USP42: variants seen among roughly 807,000 people sequenced by gnomAD.
USP42 encodes ubiquitin carboxyl-terminal hydrolase 42.
In USP42, 23 loss-of-function variants were observed where a neutral mutation model predicts 113.0. That is an observed-to-expected ratio of 0.20 (90% CI 0.15 to 0.29). The LOEUF (loss-of-function observed/expected upper bound fraction) is 0.29, where lower values mean the gene tolerates loss of function less well. Among genes scored for constraint, USP42 ranks in the 10% least tolerant of loss-of-function variants. USP42 has a pLI of 1.00. For synonymous variants in USP42, 933 were observed against 699.0 expected (o/e 1.33, Z -5.28); for missense variants, 2,174 against 1,779.8 (o/e 1.22, Z -3.99).
chr7:6,154,947 C>G lies in USP42; in HGVS notation c.3393C>G (p.Arg1131=). ...APHALAPHPD[R]FSHDRTALVA... The stretch of plus-strand genomic sequence containing the variant: ...ACGCCCTCGCCCCGCACCCCGACCG[C>G]TTCTCCCACGACAGAACTGCACTTG... Residue 1131 remains arginine (R), a synonymous_variant, in exon 15 of 18, where the codon CGC becomes CGG. Coordinates refer to ENST00000306177, the MANE Select transcript of USP42 (RefSeq NM_032172.3). 4 of 1,554,766 alleles carry G rather than the reference C, an allele frequency of 2.6e-6. No homozygotes were observed. Among genetic ancestry groups the G allele is most frequent in the African/African-American group, 1.4e-5 (1 of 73,356 alleles).
At chr7:6,114,383 ACT>A (rs1291982216) in intron 2 of USP42, among the ~76,000 whole-genome samples, 12 of 151,944 alleles carry the variant, frequency 7.9e-5, no homozygotes, top group South Asian at 2.1e-4. Flanking sequence ...ATTATAATGA[ACT>A]CTCATGTAGC....
chr7:6,146,352 AC>A, intron 11 of USP42, 104 bp downstream of exon 11: 7 of 777,260 alleles, frequency 9.0e-6, no homozygotes, highest in Admixed American at 3.2e-5. Context: ...AAAAAAAAAA[AC>A]CCAGCAGCTT....
At chr7:6,097,317 G>C in the USP42 span, among the ~76,000 whole-genome samples, 1 of 150,088 alleles carries the variant, frequency 6.7e-6, no homozygotes, top group Admixed American at 6.6e-5. Context: ...TCTTCCCTGA[G>C]AGTAGCACTC....
the USP42 span, among the ~76,000 whole-genome samples, chr7:6,084,181 C>G: frequency 6.6e-6 from 1 of 150,998 alleles, no homozygotes; most frequent in African/African-American, 2.5e-5. Context: ...CATGAGCCAC[C>G]ACGCCCAGCT....
intron 12 of USP42, among the ~76,000 whole-genome samples, chr7:6,148,622 G>T (rs1025044207): frequency 1.3e-5 from 2 of 152,198 alleles, no homozygotes; most frequent in South Asian, 2.1e-4. Context: ...TGTTGGTCCT[G>T]TCGGGGCGAA....
chr7:6,129,712 T>G (rs1369283481), intron 3 of USP42, among the ~76,000 whole-genome samples: 2 of 151,802 alleles, frequency 1.3e-5, no homozygotes, highest in East Asian at 3.9e-4. Context: ...AATACAAAAA[T>G]TAGCCAGGTG....
At chr7:6,147,653 G>A in intron 11 of USP42, 86 bp from the exon 12 acceptor site, 1 of 1,444,200 alleles carries the variant, frequency 6.9e-7, no homozygotes, top group Non-Finnish European at 9.2e-7. Flanking sequence ...TTCCGCCTGA[G>A]GGGTTAAATG....
the USP42 span, among the ~76,000 whole-genome samples, chr7:6,087,584 G>A: frequency 2.0e-5 from 3 of 150,480 alleles, no homozygotes; most frequent in East Asian, 1.9e-4. Flanking sequence ...CAATCCACCC[G>A]CTTCGGCCTC....
intron 2 of USP42, among the ~76,000 whole-genome samples, chr7:6,112,548 A>C (rs1301505395): frequency 6.6e-6 from 1 of 152,240 alleles, no homozygotes; most frequent in Non-Finnish European, 1.5e-5. Context: ...TCATCCAGAT[A>C]AATGAGACAG....
chr7:6,103,556 A>T (rs1157999300), upstream of USP42, among the ~76,000 whole-genome samples: 3 of 149,604 alleles, frequency 2.0e-5, no homozygotes, highest in African/African-American at 7.6e-5. Context: ...TCTGTAACTC[A>T]GTGTGTGAGT....
the USP42 span, among the ~76,000 whole-genome samples, chr7:6,082,393 G>A: frequency 1.3e-5 from 2 of 151,568 alleles, no homozygotes; most frequent in African/African-American, 2.4e-5. Context: ...CTCCCGAAGT[G>A]CTGGGATTAC....
chr7:6,082,734 C>T, the USP42 span, among the ~76,000 whole-genome samples: 11 of 146,478 alleles, frequency 7.5e-5, 1 homozygote, highest in African/African-American at 2.6e-4. Flanking sequence ...TCTGAGCCTC[C>T]GTAGTAGCTG....
chr7:6,133,031 C>G (rs929953748), intron 3 of USP42, among the ~76,000 whole-genome samples: 3 of 152,116 alleles, frequency 2.0e-5, no homozygotes, highest in African/African-American at 7.2e-5. Context: ...AGTAGGGGTC[C>G]TTTGTGTAGT....
At chr7:6,152,868 C>T in intron 14 of USP42, 1 of 944,478 alleles carries the variant, frequency 1.1e-6, no homozygotes, top group Non-Finnish European at 1.3e-6. Flanking sequence ...GAGGTGGCCC[C>T]TCTACCTTTG....
At chr7:6,101,710 G>A (rs1026954288), upstream of USP42, among the ~76,000 whole-genome samples, 6 of 151,096 alleles carry the variant, frequency 4.0e-5, no homozygotes, top group Non-Finnish European at 8.8e-5. Flanking sequence ...AGGTAGAGGG[G>A]GAGGTGTAAC....
chr7:6,090,047 C>T, the USP42 span, among the ~76,000 whole-genome samples: 1 of 148,138 alleles, frequency 6.8e-6, no homozygotes, highest in South Asian at 2.1e-4. Context: ...CGCCTGTAAT[C>T]CCAGCACTTT....
At chr7:6,082,827 T>C in the USP42 span, among the ~76,000 whole-genome samples, 2 of 149,262 alleles carry the variant, frequency 1.3e-5, no homozygotes, top group Non-Finnish European at 3.0e-5. Context: ...CCCAGGCTGG[T>C]TGCGAACTCC....
intron 1 of USP42, 64 bp from the exon 2 acceptor site, chr7:6,111,061 G>T: frequency 6.7e-7 from 1 of 1,499,968 alleles, no homozygotes; most frequent in Non-Finnish European, 9.0e-7. Context: ...AAGATCTAAC[G>T]GTAGGGTAAG....
At chr7:6,122,144 A>G (rs1013910664) in intron 3 of USP42, among the ~76,000 whole-genome samples, 1 of 152,076 alleles carries the variant, frequency 6.6e-6, no homozygotes, top group Admixed American at 6.6e-5. Context: ...GCTCTGTTCC[A>G]GTGTCTTAAG....
Sources: gnomAD v4.1 joint callset for allele counts (sites outside exome capture counted in the v4.1 genomes callset) on GRCh38, gnomAD v4.1.1 for gene constraint, MANE v1.5 for transcripts, NCBI Gene and HGNC (gene_info 2026-07-23, HGNC 2026-07-21) for gene names.